The following BMP8B variants were observed in gnomAD, a reference collection of about 807,000 sequenced individuals.
BMP8B encodes the protein bone morphogenetic protein 8b.
BMP8B carries 17 observed loss-of-function variants against 30.3 expected under a neutral mutation model. That is an observed-to-expected ratio of 0.56 (90% confidence interval 0.38 to 0.84). The LOEUF is 0.84. BMP8B is among the 40% of genes least tolerant of loss of function. The pLI, the probability that BMP8B is intolerant of heterozygous loss-of-function variation, is 0.00. For missense variants in BMP8B, 253 were observed against 494.6 expected (o/e 0.51, Z 4.63); for synonymous variants, 131 against 214.7 (o/e 0.61, Z 3.41).
chr1:39,770,495 A>G (rs1363766799), intron 3 of BMP8B: 3 of 1,609,920 alleles, frequency 1.9e-6, no homozygotes, highest in Admixed American at 3.3e-5. Context: ...TTCTGGGGGG[A>G]AAGCCCCCAC....
chr1:39,763,870 G>T, intron 4 of BMP8B, 79 bp from the exon 5 acceptor site: 4 of 1,445,554 alleles, frequency 2.8e-6, no homozygotes, highest in Non-Finnish European at 3.8e-6. Flanking sequence ...GGTGGGGGAT[G>T]CCCTGATGAG....
chr1:39,788,187 C>A lies in BMP8B; in HGVS notation c.299G>T (p.Gly100Val), dbSNP rs757551331. ...GAAGCTCATGACCAGGTCGGCGCGG[C>A]CCAGGCGCCGCTCCGCGGGCGCGCC... Reference protein sequence around the residue: ...EDGAPAERRLGRADLVMSFVN... With the variant: ...EDGAPAERRLVRADLVMSFVN... The change falls in exon 1 of 7, where the codon GGC becomes GTC. Residue 100 changes from glycine (G) to valine (V), a missense_variant. Gly to Val is a moderately radical substitution (Grantham distance 109). Coordinates refer to ENST00000372827, the MANE Select transcript of BMP8B (RefSeq NM_001720.5). The surrounding 1 kb of genome is among the most constrained non-coding windows in gnomAD (Gnocchi z 5.8). 6.3e-7 allele frequency: 1 copy of A among 1,575,566 alleles called. No homozygotes were observed. The highest frequency in any genetic ancestry group is 8.5e-7 in the Non-Finnish European group (1 of 1,170,180).
intron 3 of BMP8B, chr1:39,770,644 C>T (rs767947198): frequency 1.8e-5 from 27 of 1,526,014 alleles, no homozygotes; most frequent in Admixed American, 5.3e-5. Flanking sequence ...CGAAGTCTGC[C>T]CGGATGGCGC....
At position 39,758,859 on chromosome 1, in the gene BMP8B, G is replaced by A. The variant is rs905588477; in HGVS notation, c.*1560C>T. On this transcript the variant is annotated 3_prime_UTR_variant, in exon 7 of 7. Transcript: ENST00000372827. ...GGAGGCCCTCCCTGGTCCAGGTGGA[G>A]GGGCTGCTGTCCCGCAGTGTGGCCC... 6.6e-6 allele frequency: 1 copy of A among 152,238 alleles called. No homozygotes were observed. Among genetic ancestry groups the A allele is most frequent in the Non-Finnish European group, 1.5e-5 (1 of 68,058 alleles). The allele number at this position is 152,238 out of a possible 1,614,324, so 9.4% of individuals were successfully genotyped here.
At chr1:39,785,720 C>A (rs11586359) in intron 1 of BMP8B, among the ~76,000 whole-genome samples, 4,075 of 152,324 alleles carry the variant, frequency 0.027, 100 homozygotes, top group East Asian at 0.12. Flanking sequence ...GTAATCTCAG[C>A]TACTCGGGAG....
rs1487047251 is a variant in BMP8B, at chr1:39,766,763, G to A, written c.674-1946C>T. 2.8e-5 allele frequency among the ~76,000 whole-genome samples: 4 copies of A among 143,860 alleles called. 1 individual carries two copies. The highest frequency in any genetic ancestry group is 1.1e-4 in the African/African-American group (4 of 35,866). 94.4% of individuals were successfully genotyped at this position (143,860 alleles called of 152,430 possible). ...ATCCACTGGGCAGGGCTTGGTTCAC[G>A]GTGAGTCAAGGTTATGGGGAAGCAG... On this transcript the variant is annotated intron_variant, in intron 3 of 6. Transcript: ENST00000372827.
intron 6 of BMP8B, among the ~76,000 whole-genome samples, chr1:39,760,895 G>C (rs1648873748): frequency 6.6e-6 from 1 of 152,058 alleles, no homozygotes; most frequent in Admixed American, 6.5e-5. Context: ...TGTGTGGCCA[G>C]GTTTGTGCCC....
At chr1:39,786,734 C>G (rs1185487577) in intron 1 of BMP8B, among the ~76,000 whole-genome samples, 2 of 152,168 alleles carry the variant, frequency 1.3e-5, no homozygotes, top group Non-Finnish European at 2.9e-5. Context: ...TCCCACATCC[C>G]CACCCTGTCC....
chr1:39,775,114 C>G, intron 1 of BMP8B, 76 bp from the exon 2 acceptor site: 1 of 1,564,886 alleles, frequency 6.4e-7, no homozygotes, highest in Non-Finnish European at 8.7e-7. Context: ...GTGTGAGCCA[C>G]CGCCCCCAGC....
chr1:39,776,025 G>A (rs1569838210), intron 1 of BMP8B, among the ~76,000 whole-genome samples: 1 of 152,304 alleles, frequency 6.6e-6, no homozygotes, highest in Non-Finnish European at 1.5e-5. Flanking sequence ...GCTCTGCTGC[G>A]GCCTGCCTGC....
intron 1 of BMP8B, among the ~76,000 whole-genome samples, chr1:39,777,892 C>T (rs1033436397): frequency 4.0e-4 from 61 of 152,316 alleles, no homozygotes; most frequent in African/African-American, 1.3e-3. Context: ...CTGCTCTCCC[C>T]GGGTGGCCCC....
chr1:39,760,626 C>A, intron 6 of BMP8B, 58 bp from the exon 7 acceptor site: 2 of 1,555,556 alleles, frequency 1.3e-6, no homozygotes, highest in East Asian at 2.3e-5. Context: ...TCCAAGGACC[C>A]ACCCAGCCCC....
intron 1 of BMP8B, among the ~76,000 whole-genome samples, chr1:39,783,028 C>T (rs558056854): frequency 1.3e-5 from 2 of 152,246 alleles, no homozygotes; most frequent in African/African-American, 4.8e-5. Context: ...AACTCCTGAC[C>T]TCAAGTGATC....
At position 39,760,103 on chromosome 1, in the gene BMP8B, A is replaced by G; in HGVS notation, c.*316T>C. The stretch of plus-strand genomic sequence containing the variant: ...TGAGCCAGTAAGGGGCATGGATAGG[A>G]CCTCAGACAGGACTTCTGTGCCAAC... On this transcript the variant is annotated 3_prime_UTR_variant, in exon 7 of 7. Coordinates refer to ENST00000372827, the MANE Select transcript of BMP8B (RefSeq NM_001720.5). 2.5e-6 allele frequency: 1 copy of G among 397,456 alleles called. No homozygotes were observed. The highest frequency in any genetic ancestry group is 4.7e-6 in the Non-Finnish European group (1 of 213,012). 24.6% of individuals were successfully genotyped at this position (397,456 alleles called of 1,614,324 possible).
At chr1:39,780,452 A>T (rs1207301291) in intron 1 of BMP8B, among the ~76,000 whole-genome samples, 1 of 152,256 alleles carries the variant, frequency 6.6e-6, no homozygotes, top group Non-Finnish European at 1.5e-5. Context: ...TCAAGGGAGC[A>T]CCAAGCGGTG....
intron 3 of BMP8B, among the ~76,000 whole-genome samples, chr1:39,767,559 C>G (rs1447366817): frequency 1.8e-5 from 2 of 111,992 alleles, no homozygotes; most frequent in Admixed American, 9.1e-5. Context: ...GCAGGACTCC[C>G]TGGCTCCAGC....
chr1:39,776,816 G>A (rs766971804), intron 1 of BMP8B, among the ~76,000 whole-genome samples: 1 of 152,128 alleles, frequency 6.6e-6, no homozygotes, highest in Non-Finnish European at 1.5e-5. Context: ...AGTTCTTACT[G>A]TGTGTACAAC....
chr1:39,761,327 A>G (rs1053663582), intron 6 of BMP8B: 17 of 152,492 alleles, frequency 1.1e-4, no homozygotes, highest in South Asian at 2.1e-4. Flanking sequence ...CTCCACCTCC[A>G]TGCTGCCTTG....
At position 39,760,575 on chromosome 1, in the gene BMP8B, A is replaced by G. The variant is rs1476215434; in HGVS notation, c.1060-7T>C. The stretch of plus-strand genomic sequence containing the variant: ...CTGGCATCATCAGGTGCACCTGGCC[A>G]GGAAGAGGGCACAGGCAGGGGCATG... On this transcript the variant is annotated splice_polypyrimidine_tract_variant and splice_region_variant and intron_variant, in intron 6 of 6. Transcript: ENST00000372827. The G allele has an allele frequency of 6.2e-7, 1 of 1,613,040 alleles. No individual in the cohort carries two copies. The highest frequency in any genetic ancestry group is 1.7e-5 in the Admixed American group (1 of 59,970).
Sources: allele counts gnomAD v4.1 joint callset (sites outside exome capture counted in the v4.1 genomes callset), GRCh38; gene constraint gnomAD v4.1.1; non-coding constraint Gnocchi (gnomAD v3.1); transcripts MANE v1.5; gene names NCBI Gene and HGNC (gene_info 2026-07-23, HGNC 2026-07-21).